Variants in ABI3BP observed in about 807,000 individuals in gnomAD.
ABI3BP encodes target of Nesh-SH3.
Under a neutral mutation model 268.6 loss-of-function variants are expected in ABI3BP, and 216 were observed. The observed-to-expected ratio is 0.80, with a 90% CI of 0.72 to 0.90. The LOEUF (loss-of-function observed/expected upper bound fraction) is 0.90, where lower values mean the gene tolerates loss of function less well. Among genes scored for constraint, ABI3BP ranks in the 40% least tolerant of loss-of-function variants. The pLI is 0.00. For missense variants in ABI3BP, 2,090 were observed against 2,182.4 expected (o/e 0.96, Z 0.84); for synonymous variants, 730 against 730.0 (o/e 1.00, Z 0.00).
At chr3:100,891,706 G>T (rs2044746029) in intron 4 of ABI3BP, among the ~76,000 whole-genome samples, 1 of 152,194 alleles carries the variant, frequency 6.6e-6, no homozygotes, top group South Asian at 2.1e-4. Flanking sequence ...TTCAAGAGCT[G>T]AATAGACTGG....
In ABI3BP at chr3:100,751,588, G is replaced by A; in HGVS notation, c.5209C>T (p.Gln1737Ter). Reference protein sequence around the residue: ...VDSFLDGRTGQQLTSDQLPIK... With the variant: ...VDSFLDGRTG The stretch of plus-strand genomic sequence containing the variant: ...GGTAACTGGTCAGAAGTGAGTTGCT[G>A]CCCAGTGCGTCCATCTAAAAATGAA... Residue 1737 changes from glutamine (Q) to a stop codon, truncating the protein, a stop_gained, in exon 67 of 68, where the codon CAG (glutamine) becomes TAG (stop). Transcript: ENST00000471714. LOFTEE classifies it high-confidence loss of function. The A allele has an allele frequency of 4.4e-6, 7 of 1,597,770 alleles. No homozygotes were observed. The highest frequency in any genetic ancestry group is 6.0e-6 in the Non-Finnish European group (7 of 1,171,094).
chr3:100,985,315 A>G (rs982195769), intron 1 of ABI3BP, among the ~76,000 whole-genome samples: 8 of 151,320 alleles, frequency 5.3e-5, no homozygotes, highest in Admixed American at 2.0e-4. Context: ...ATGCCCGGCT[A>G]ATTTTTTGTA....
At position 100,830,585 on chromosome 3, in the gene ABI3BP, T is replaced by C; in HGVS notation, c.2451A>G (p.Thr817=). The change falls in exon 32 of 68, where the codon ACA becomes ACG. Residue 817 remains threonine (T), a synonymous_variant. Coordinates refer to ENST00000471714, the MANE Select transcript of ABI3BP (RefSeq NM_001375547.2). ...EPVLRTEASG[T]TAAPKVPQRT... is the part of the protein sequence containing the mutation. ...GACATAATGTGCCATTACCTGCTGT[T>C]GTCCCTGAAGCCTCAGTTCTAAGAA... is the stretch of plus-strand genomic sequence containing the variant. The C allele has an allele frequency of 6.5e-7, 1 of 1,534,098 alleles. No individual in the cohort carries two copies. The highest frequency in any genetic ancestry group is 2.0e-5 in the Admixed American group (1 of 50,952).
At chr3:100,903,473 T>G (rs1284816286) in intron 2 of ABI3BP, among the ~76,000 whole-genome samples, 1 of 152,208 alleles carries the variant, frequency 6.6e-6, no homozygotes, top group Admixed American at 6.5e-5. Context: ...GAAATAGCAT[T>G]TTATAAGCAA....
chr3:100,823,495 T>C lies in ABI3BP; in HGVS notation c.2766A>G (p.Glu922=). The C allele has an allele frequency of 6.5e-7, 1 of 1,534,466 alleles. No individual in the cohort carries two copies. Among genetic ancestry groups the C allele is most frequent in the Non-Finnish European group, 8.7e-7 (1 of 1,146,092 alleles). Reference sequence around the variant, plus strand: ...AGGCCTCAGGTCTAAGAGTGACAGGTTCTAGGACTGTAGCAGGAACTGACC... The same window carrying C: ...AGGCCTCAGGTCTAAGAGTGACAGGCTCTAGGACTGTAGCAGGAACTGACC... The part of the protein sequence containing the change: ...ETKPVPATVL[E]PVTLRPEAST... The change falls in exon 37 of 68, where the codon GAA becomes GAG. Residue 922 remains glutamate (E), a synonymous_variant. Transcript: ENST00000471714.
At chr3:100,934,880 CT>C (rs1436652992) in intron 1 of ABI3BP, among the ~76,000 whole-genome samples, 2 of 152,094 alleles carry the variant, frequency 1.3e-5, no homozygotes, top group African/African-American at 4.8e-5. Flanking sequence ...GATATTAACC[CT>C]TTGTCAGATG....
At chr3:100,952,307 G>T (rs950161785) in intron 1 of ABI3BP, among the ~76,000 whole-genome samples, 10 of 152,114 alleles carry the variant, frequency 6.6e-5, no homozygotes, top group African/African-American at 9.7e-5. Flanking sequence ...TACAAAAAAT[G>T]TCATGTGAAG....
At position 100,837,581 on chromosome 3, in the gene ABI3BP, C is replaced by G. The variant is rs572617793; in HGVS notation, c.2084-410G>C. The stretch of plus-strand genomic sequence containing the variant: ...GACCAGCCTGGCCAACATGGTGAAA[C>G]CCCCGTCTCTACTAAAAATACAAAA... On this transcript the variant is annotated intron_variant, in intron 26 of 67. Coordinates refer to ENST00000471714, the MANE Select transcript of ABI3BP (RefSeq NM_001375547.2). Among the ~76,000 whole-genome samples the G allele has an allele frequency of 2.6e-5, 4 of 151,986 alleles. No homozygotes were observed. The South Asian group carries it at 8.3e-4, about 32-fold the overall frequency.
intron 4 of ABI3BP, among the ~76,000 whole-genome samples, chr3:100,889,183 C>T (rs2043326792): frequency 1.3e-5 from 2 of 152,038 alleles, no homozygotes; most frequent in African/African-American, 4.8e-5. Context: ...TTGCACAGGG[C>T]TTATGATTTT....
rs1342763706 is a variant in ABI3BP, at chr3:100,808,231, G to C, written c.3612C>G (p.Pro1204=). The C allele has an allele frequency of 6.2e-7, 1 of 1,608,386 alleles. No individual in the cohort carries two copies. Residue 1204 remains proline (P), a synonymous_variant, in exon 50 of 68, where the codon CCC becomes CCG. Coordinates refer to ENST00000471714, the MANE Select transcript of ABI3BP (RefSeq NM_001375547.2). ...TAGGAGGAGCACGTGGTGTCTGCTTGGGAGCTAAAAGAAAGGATATAGGTT... is the reference window on the plus strand; with the variant it reads ...TAGGAGGAGCACGTGGTGTCTGCTTCGGAGCTAAAAGAAAGGATATAGGTT... ...SPDEPQTEPA[P]KQTPRAPPKP...
intron 59 of ABI3BP, among the ~76,000 whole-genome samples, chr3:100,776,211 G>T (rs1012551264): frequency 6.6e-6 from 1 of 152,146 alleles, no homozygotes. Context: ...TCACTTTTGG[G>T]CAATAGAGAG....
rs966541993 is a variant in ABI3BP at position 100,823,451 on chromosome 3, A to C, written c.2803+7T>G. The C allele has an allele frequency of 3.9e-6, 6 of 1,532,390 alleles. No individual in the cohort carries two copies. The highest frequency in any genetic ancestry group is 5.2e-6 in the Non-Finnish European group (6 of 1,144,948). 94.9% of individuals were successfully genotyped at this position (1,532,390 alleles called of 1,614,324 possible). A position where few individuals can be genotyped will look rare whatever the true frequency, so the allele number is the denominator to read the frequency against. On this transcript the variant is annotated splice_region_variant and intron_variant, in intron 37 of 67. Coordinates refer to ENST00000471714, the MANE Select transcript of ABI3BP (RefSeq NM_001375547.2). ...GAAGCTTGTCGAAAACACTGTATCA[A>C]CGTTACCTAATGTTGTTGAGGCCTC...
intron 4 of ABI3BP, among the ~76,000 whole-genome samples, chr3:100,894,487 C>T (rs980697256): frequency 1.3e-5 from 2 of 152,098 alleles, no homozygotes; most frequent in Non-Finnish European, 2.9e-5. Flanking sequence ...GAGCTTAAAA[C>T]TTACACGGCA....
chr3:100,838,145 A>G lies in ABI3BP; in HGVS notation c.2083+65T>C, dbSNP rs918985901. 2.8e-6 allele frequency: 4 copies of G among 1,448,124 alleles called. No individual in the cohort carries two copies. In the African/African-American group the frequency reaches 5.6e-5, roughly 20 times the overall value. The allele number at this position is 1,448,124 out of a possible 1,614,324, so 89.7% of individuals were successfully genotyped here. On this transcript the variant is annotated intron_variant, in intron 26 of 67. Transcript: ENST00000471714. The stretch of plus-strand genomic sequence containing the variant: ...TGATTTATATGATATGACAGATTGG[A>G]AACATTTTCAGCAATGTTTCCAAAG...
chr3:100,849,219 A>T (rs1357212125), intron 17 of ABI3BP, among the ~76,000 whole-genome samples: 1 of 143,812 alleles, frequency 7.0e-6, no homozygotes, highest in African/African-American at 2.6e-5. Context: ...GGAAATTTGG[A>T]ACTACTTTTT....
chr3:100,935,964 T>C (rs889282503), intron 1 of ABI3BP, among the ~76,000 whole-genome samples: 8 of 152,208 alleles, frequency 5.3e-5, no homozygotes, highest in African/African-American at 1.7e-4. Flanking sequence ...TTGAGTACCC[T>C]TTATTTCTTT....
At position 100,776,763 on chromosome 3, in the gene ABI3BP, GTTC is replaced by G. The variant is rs2096717609; in HGVS notation, c.4334-1431_4334-1429del. On this transcript the variant is annotated intron_variant, in intron 59 of 67. Coordinates refer to ENST00000471714, the MANE Select transcript of ABI3BP (RefSeq NM_001375547.2). ...ATCTCAGAAGTGGAATGTATTTACA[GTTC>G]TTCTTCAGGCTGGGTGGGCTGTACC... is the stretch of plus-strand genomic sequence containing the variant. Among the ~76,000 whole-genome samples the G allele has an allele frequency of 5.9e-5, 9 of 152,196 alleles. No individual in the cohort carries two copies. The South Asian group carries it at 1.7e-3, about 28-fold the overall frequency.
At chr3:100,953,426 A>G (rs1443782163) in intron 1 of ABI3BP, among the ~76,000 whole-genome samples, 1 of 152,212 alleles carries the variant, frequency 6.6e-6, no homozygotes, top group East Asian at 1.9e-4. Context: ...GGCACAGGCT[A>G]AATAGCGTGT....
At chr3:100,841,866 G>T in intron 21 of ABI3BP, 132 bp downstream of exon 21, 1 of 749,586 alleles carries the variant, frequency 1.3e-6, no homozygotes, top group African/African-American at 1.8e-5. Context: ...CTCCAGCCTG[G>T]GCAAAAAAAC....
Sources: gnomAD v4.1 joint callset for allele counts (sites outside exome capture counted in the v4.1 genomes callset) on GRCh38, gnomAD v4.1.1 for gene constraint, MANE v1.5 for transcripts, NCBI Gene and HGNC (gene_info 2026-07-23, HGNC 2026-07-21) for gene names.